The following KCTD8 variants were observed in gnomAD, a reference collection of about 807,000 sequenced individuals.
KCTD8 encodes the protein potassium channel tetramerization domain containing 8, also known as BTB/POZ domain-containing protein KCTD8.
Under a neutral mutation model 31.5 loss-of-function variants are expected in KCTD8, and 27 were observed. That is an observed-to-expected ratio of 0.86 (90% CI 0.63 to 1.18). The LOEUF is 1.18. Among genes scored for constraint, KCTD8 ranks in the 50% most tolerant of loss-of-function variants. KCTD8 has a pLI of 0.00. For missense variants in KCTD8, 658 were observed against 647.7 expected (o/e 1.02, Z -0.17); for synonymous variants, 290 against 280.0 (o/e 1.04, Z -0.36).
chr4:44,440,085 C>T (rs977894366), intron 1 of KCTD8, among the ~76,000 whole-genome samples: 3 of 151,940 alleles, frequency 2.0e-5, no homozygotes, highest in Admixed American at 6.6e-5. Context: ...ATGCCCGCCA[C>T]CACGCCCAGC....
intron 1 of KCTD8, among the ~76,000 whole-genome samples, chr4:44,388,747 T>G (rs761664489): frequency 2.6e-5 from 4 of 151,708 alleles, no homozygotes; most frequent in Non-Finnish European, 4.4e-5. Context: ...AAACAACTAA[T>G]GAGTGCTAGG....
chr4:44,334,553 A>G (rs1382544014), intron 1 of KCTD8, among the ~76,000 whole-genome samples: 1 of 152,124 alleles, frequency 6.6e-6, no homozygotes, highest in Non-Finnish European at 1.5e-5. Flanking sequence ...TGCAAGTCTG[A>G]TAGGGATTAA....
intron 1 of KCTD8, among the ~76,000 whole-genome samples, chr4:44,358,954 G>C (rs992641407): frequency 2.6e-5 from 4 of 152,056 alleles, no homozygotes; most frequent in African/African-American, 9.7e-5. Flanking sequence ...ATGTTTGCTG[G>C]CTGCATAAAT....
At chr4:44,302,365 C>T (rs1037552218) in intron 1 of KCTD8, among the ~76,000 whole-genome samples, 13 of 152,136 alleles carry the variant, frequency 8.5e-5, no homozygotes, top group Admixed American at 1.3e-4. Flanking sequence ...GAATGTTCTT[C>T]CACTTCTTTG....
At chr4:44,327,837 A>G (rs1224862107) in intron 1 of KCTD8, among the ~76,000 whole-genome samples, 2 of 151,908 alleles carry the variant, frequency 1.3e-5, no homozygotes, top group East Asian at 1.9e-4. Flanking sequence ...TGAAAGTTTA[A>G]TCTATCATTA....
At chr4:44,337,246 G>C (rs369185268) in intron 1 of KCTD8, among the ~76,000 whole-genome samples, 1 of 152,050 alleles carries the variant, frequency 6.6e-6, no homozygotes, top group East Asian at 1.9e-4. Flanking sequence ...GTTCAATTAT[G>C]ATTAAAAATC....
At chr4:44,205,358 T>G (rs1213930128) in intron 1 of KCTD8, among the ~76,000 whole-genome samples, 2 of 152,176 alleles carry the variant, frequency 1.3e-5, no homozygotes, top group Admixed American at 1.3e-4. Flanking sequence ...ATTTGGAATT[T>G]TAGTTCGATC....
At chr4:44,403,871 AT>A in intron 1 of KCTD8, among the ~76,000 whole-genome samples, 1 of 152,096 alleles carries the variant, frequency 6.6e-6, no homozygotes, top group Non-Finnish European at 1.5e-5. Context: ...GATGATTAAT[AT>A]TTTTTAAAAA....
chr4:44,338,045 A>G (rs1718802314), intron 1 of KCTD8, among the ~76,000 whole-genome samples: 1 of 152,058 alleles, frequency 6.6e-6, no homozygotes, highest in Admixed American at 6.6e-5. Flanking sequence ...GTTTAATGAG[A>G]AAAAAATACA....
chr4:44,192,657 C>T (rs377705837), intron 1 of KCTD8, among the ~76,000 whole-genome samples: 65 of 152,230 alleles, frequency 4.3e-4, no homozygotes, highest in Non-Finnish European at 5.7e-4. Flanking sequence ...ATGGTTAATA[C>T]GAATGCCAAC....
intron 1 of KCTD8, among the ~76,000 whole-genome samples, chr4:44,275,912 CATTA>C (rs1469557159): frequency 1.3e-5 from 2 of 151,980 alleles, no homozygotes; most frequent in African/African-American, 2.4e-5. Context: ...TTTCATAAGA[CATTA>C]ATTAACAAAT....
At chr4:44,212,948 T>C (rs1449579670) in intron 1 of KCTD8, among the ~76,000 whole-genome samples, 2 of 152,192 alleles carry the variant, frequency 1.3e-5, no homozygotes, top group Non-Finnish European at 2.9e-5. Flanking sequence ...GTTTGTTTGT[T>C]TGTTTTTGAG....
intron 1 of KCTD8, chr4:44,293,818 C>T: frequency 2.2e-6 from 1 of 453,678 alleles, no homozygotes; most frequent in South Asian, 1.6e-5. Context: ...AGCACAAAGA[C>T]ATCGTCAGAG....
chr4:44,293,791 G>A (rs1717346991), intron 1 of KCTD8: 1 of 450,014 alleles, frequency 2.2e-6, no homozygotes, highest in Non-Finnish European at 4.4e-6. Flanking sequence ...TTAGCATTTT[G>A]AACTTACGTA....
At chr4:44,372,566 G>A (rs1168710617) in intron 1 of KCTD8, among the ~76,000 whole-genome samples, 3 of 152,068 alleles carry the variant, frequency 2.0e-5, no homozygotes, top group East Asian at 3.9e-4. Context: ...AAAAGAGGAT[G>A]TCTTCTGAAG....
At chr4:44,335,296 T>C (rs1718708593) in intron 1 of KCTD8, among the ~76,000 whole-genome samples, 1 of 152,118 alleles carries the variant, frequency 6.6e-6, no homozygotes, top group African/African-American at 2.4e-5. Context: ...GATATTCAGT[T>C]GTTATTAATA....
At chr4:44,225,828 T>C (rs1560399578) in intron 1 of KCTD8, among the ~76,000 whole-genome samples, 1 of 144,950 alleles carries the variant, frequency 6.9e-6, no homozygotes, top group East Asian at 2.0e-4. Context: ...TTTTTTTTTT[T>C]TTTTTTTTTC....
intron 1 of KCTD8, among the ~76,000 whole-genome samples, chr4:44,383,022 T>A (rs1720113938): frequency 2.1e-5 from 1 of 47,060 alleles, no homozygotes. Context: ...ACAAACTAGC[T>A]GACAAAAAAA....
intron 1 of KCTD8, among the ~76,000 whole-genome samples, chr4:44,197,145 G>T (rs1031831060): frequency 6.6e-6 from 1 of 152,138 alleles, no homozygotes; most frequent in East Asian, 1.9e-4. Context: ...GATGCTCTTG[G>T]CCTGACAGGA....
Sources: gnomAD v4.1 joint callset for allele counts (sites outside exome capture counted in the v4.1 genomes callset) on GRCh38, gnomAD v4.1.1 for gene constraint, MANE v1.5 for transcripts, NCBI Gene and HGNC (gene_info 2026-07-23, HGNC 2026-07-21) for gene names.